The following CCSER2 variants were observed in gnomAD, a reference collection of about 807,000 sequenced individuals.
CCSER2 encodes the protein serine-rich coiled-coil domain-containing protein 2.
A neutral mutation model predicts 92.3 loss-of-function variants in CCSER2; 46 were observed. The observed-to-expected ratio is 0.50, with a 90% CI of 0.39 to 0.64. The LOEUF is 0.64. CCSER2 is among the 30% of genes least tolerant of loss of function. The pLI is 0.00. For missense variants in CCSER2, 1,244 were observed against 1,238.9 expected, an observed-to-expected ratio of 1.00 and a Z score of -0.06; for synonymous variants, 433 against 431.4, an observed-to-expected ratio of 1.00 and a Z score of -0.04.
intron 1 of CCSER2, among the ~76,000 whole-genome samples, chr10:84,345,280 T>A (rs1844415051): frequency 6.6e-6 from 1 of 152,100 alleles, no homozygotes; most frequent in Non-Finnish European, 1.5e-5. Context: ...GTTGGGGAGA[T>A]CTTAAGGGAA....
rs1843397436 is a variant in CCSER2, at chr10:84,425,758, A to G, written c.1733A>G (p.Asp578Gly). 3 of 1,613,006 alleles carry G rather than the reference A, an allele frequency of 1.9e-6. No individual in the cohort carries two copies. Among genetic ancestry groups the G allele is most frequent in the South Asian group, 2.2e-5 (2 of 90,946 alleles). ...NVECDNMNRF[D>G]RPDRNVRQPQ... ...GAGTGTGACAATATGAACCGCTTTG[A>G]CCGACCAGACAGAAATGTTCGGCAG... The change falls in exon 5 of 10, where the codon GAC (aspartate) becomes GGC (glycine). Residue 578 changes from aspartate to glycine, a missense_variant. By Grantham distance (94) the Asp-to-Gly change is moderately conservative (BLOSUM62 -1). Transcript: ENST00000372088.
At chr10:84,369,531 T>C (rs570272890) in intron 1 of CCSER2, among the ~76,000 whole-genome samples, 1 of 152,256 alleles carries the variant, frequency 6.6e-6, no homozygotes, top group East Asian at 1.9e-4. Flanking sequence ...CCTTGCAGAT[T>C]AGTTGGAGTT....
chr10:84,467,614 C>G (rs1846526819), intron 7 of CCSER2, among the ~76,000 whole-genome samples: 1 of 152,156 alleles, frequency 6.6e-6, no homozygotes, highest in Admixed American at 6.5e-5. Context: ...ACCTCAAGAT[C>G]TCTTCTGGCT....
At chr10:84,340,761 C>T (rs1844132208) in intron 1 of CCSER2, among the ~76,000 whole-genome samples, 1 of 152,032 alleles carries the variant, frequency 6.6e-6, no homozygotes, top group Non-Finnish European at 1.5e-5. Context: ...CACCATCTTA[C>T]AAGTTATTTA....
At chr10:84,334,251 A>T (rs1049441473) in intron 1 of CCSER2, among the ~76,000 whole-genome samples, 11 of 152,090 alleles carry the variant, frequency 7.2e-5, no homozygotes, top group African/African-American at 2.7e-4. Context: ...GTTGTTATTG[A>T]CTACTTAAGT....
intron 1 of CCSER2, among the ~76,000 whole-genome samples, chr10:84,368,778 G>A (rs1211034500): frequency 6.6e-6 from 1 of 152,024 alleles, no homozygotes; most frequent in African/African-American, 2.4e-5. Flanking sequence ...CGTGCCACCC[G>A]AATAGTATAC....
chr10:84,403,983 G>C (rs146062962), intron 3 of CCSER2, among the ~76,000 whole-genome samples: 120 of 152,288 alleles, frequency 7.9e-4, no homozygotes, highest in African/African-American at 2.8e-3. Context: ...TTTAGAGAGG[G>C]AATACACCTT....
chr10:84,359,881 T>C (rs1290205799), intron 1 of CCSER2, among the ~76,000 whole-genome samples: 5 of 152,080 alleles, frequency 3.3e-5, no homozygotes, highest in Non-Finnish European at 5.9e-5. Flanking sequence ...TCGTGCAATG[T>C]CAGCTCACTG....
chr10:84,499,377 A>G (rs1032769578), intron 9 of CCSER2, among the ~76,000 whole-genome samples: 2 of 151,762 alleles, frequency 1.3e-5, no homozygotes, highest in African/African-American at 4.8e-5. Context: ...CTCGTGATCC[A>G]CCCGCCTCAT....
chr10:84,346,541 G>A (rs1167080229), intron 1 of CCSER2, among the ~76,000 whole-genome samples: 1 of 152,078 alleles, frequency 6.6e-6, no homozygotes, highest in Non-Finnish European at 1.5e-5. Flanking sequence ...ATGGGCATAT[G>A]TAGGAGGAAC....
rs773095219 is a variant in CCSER2, at chr10:84,489,341, TAA to T, written c.2325+11679_2325+11680del. On this transcript the variant is annotated intron_variant, in intron 9 of 9. Transcript: ENST00000372088. The stretch of plus-strand genomic sequence containing the variant: ...CTGTCTAAGGTTGACAGTGGGGTGT[TAA>T]AGTCTTTCATTATTATTGTGTGGGA... 5.3e-5 allele frequency among the ~76,000 whole-genome samples: 8 copies of T among 152,296 alleles called. No individual in the cohort carries two copies. The East Asian group carries it at 1.5e-3, about 29-fold the overall frequency.
intron 3 of CCSER2, among the ~76,000 whole-genome samples, chr10:84,410,285 T>G (rs1170742387): frequency 6.6e-6 from 1 of 152,214 alleles, no homozygotes; most frequent in Non-Finnish European, 1.5e-5. Context: ...TATCCAGTAA[T>G]GGGATTACTG....
intron 9 of CCSER2, among the ~76,000 whole-genome samples, chr10:84,482,305 G>A (rs984791528): frequency 5.9e-5 from 9 of 152,096 alleles, no homozygotes; most frequent in Non-Finnish European, 7.4e-5. Context: ...TGAGTAACGC[G>A]AAAAGAAGAA....
chr10:84,360,919 G>C (rs900144129), intron 1 of CCSER2, among the ~76,000 whole-genome samples: 9 of 152,178 alleles, frequency 5.9e-5, no homozygotes, highest in African/African-American at 2.2e-4. Context: ...TCACATAAAT[G>C]GATCAACTGA....
chr10:84,511,777 C>G (rs916709729), intron 9 of CCSER2, among the ~76,000 whole-genome samples: 1 of 152,114 alleles, frequency 6.6e-6, no homozygotes, highest in Non-Finnish European at 1.5e-5. Flanking sequence ...TCATTTTTAT[C>G]TAGGGAACCC....
chr10:84,374,037 A>G, intron 3 of CCSER2: 3 of 983,298 alleles, frequency 3.1e-6, no homozygotes, highest in Middle Eastern at 3.3e-4. Context: ...GTTTACATAT[A>G]TATTCCTCAT....
intron 9 of CCSER2, among the ~76,000 whole-genome samples, chr10:84,493,748 G>A (rs1312374901): frequency 1.3e-5 from 2 of 152,190 alleles, no homozygotes; most frequent in African/African-American, 4.8e-5. Context: ...AGGGTTGTGG[G>A]AGCAGTGTGG....
At chr10:84,501,834 A>AAAAATAT (rs1167460274) in intron 9 of CCSER2, among the ~76,000 whole-genome samples, 23 of 40,172 alleles carry the variant, frequency 5.7e-4, no homozygotes, top group African/African-American at 9.8e-4. Context: ...AAAAAAAAAA[A>AAAAATAT]ATATATATAT....
In CCSER2 at chr10:84,465,199, G is replaced by A. The variant is rs570706981; in HGVS notation, c.2148+1183G>A. ...AGAAAAAAAAAAATTGTGAATTTGTGACTGACATTTTAAAAGCAAAGTTGA... is the reference window on the plus strand; with the variant it reads ...AGAAAAAAAAAAATTGTGAATTTGTAACTGACATTTTAAAAGCAAAGTTGA... On this transcript the variant is annotated intron_variant, in intron 7 of 9. Coordinates refer to ENST00000372088, the MANE Select transcript of CCSER2 (RefSeq NM_001284240.2). Among the ~76,000 whole-genome samples, 3 of 142,486 alleles carry A rather than the reference G, an allele frequency of 2.1e-5. No individual in the cohort carries two copies. In the South Asian group the frequency reaches 6.8e-4, roughly 32 times the overall value. 93.5% of individuals were successfully genotyped at this position (142,486 alleles called of 152,430 possible).
Sources: gnomAD v4.1 joint callset for allele counts (sites outside exome capture counted in the v4.1 genomes callset) on GRCh38, gnomAD v4.1.1 for gene constraint, MANE v1.5 for transcripts, NCBI Gene and HGNC (gene_info 2026-07-23, HGNC 2026-07-21) for gene names.